Variants in SP7 observed in about 807,000 individuals in gnomAD.
SP7 encodes the protein transcription factor Sp7.
SP7 carries 13 observed loss-of-function variants against 27.9 expected under a neutral mutation model. That is an observed-to-expected ratio of 0.47 (90% confidence interval 0.30 to 0.74). The LOEUF (loss-of-function observed/expected upper bound fraction) is 0.74. SP7 is among the 30% of genes least tolerant of loss of function. The probability of loss-of-function intolerance (pLI) is 0.06; values close to 1 mark genes in which losing one functional copy is unlikely to be tolerated. For synonymous variants in SP7, 219 were observed against 226.7 expected (o/e 0.97, Z 0.31); for missense variants, 525 against 558.0 (o/e 0.94, Z 0.60).
At chr12:53,338,990 T>C (rs1944799316), upstream of SP7, among the ~76,000 whole-genome samples, 1 of 152,128 alleles carries the variant, frequency 6.6e-6, no homozygotes, top group African/African-American at 2.4e-5. Flanking sequence ...TTGGAAGCCC[T>C]AACCAAGGAC....
At chr12:53,336,751 T>A (rs1169222819), upstream of SP7, among the ~76,000 whole-genome samples, 1 of 151,588 alleles carries the variant, frequency 6.6e-6, no homozygotes, top group Admixed American at 6.6e-5. Flanking sequence ...CGTGCCCGTG[T>A]GTGTGTGTGT....
At chr12:53,338,247 G>T (rs78514643), upstream of SP7, among the ~76,000 whole-genome samples, 282 of 152,310 alleles carry the variant, frequency 1.9e-3, 8 homozygotes, top group East Asian at 0.041. Context: ...GGAAGTGCCC[G>T]TGGTGGGGTG....
At chr12:53,335,728 AGGGAGAGGGAGGGAGAATGGGAGAAT>A in intron 1 of SP7, 35 bp from the exon 2 acceptor site, 6 of 1,210,942 alleles carry the variant, frequency 5.0e-6, no homozygotes, top group Non-Finnish European at 6.5e-6. Flanking sequence ...GAGAGAGAAA[AGGGAGAGGGAGGGAGAATGGGAGAAT>A]GGGAGAGAAG....
At chr12:53,335,494 C>A (rs567530885) in intron 2 of SP7, 132 bp downstream of exon 2, 12 of 717,528 alleles carry the variant, frequency 1.7e-5, no homozygotes, top group Middle Eastern at 6.1e-4. Flanking sequence ...ACTCCTCTCT[C>A]CTCATCAGAA....
chr12:53,338,247 G>A (rs78514643), upstream of SP7, among the ~76,000 whole-genome samples: 12 of 152,192 alleles, frequency 7.9e-5, no homozygotes, highest in African/African-American at 2.2e-4. Flanking sequence ...GGAAGTGCCC[G>A]TGGTGGGGTG....
chr12:53,326,842 C>T lies in SP7; in HGVS notation c.*1304G>A, dbSNP rs923615970. 1 of 152,372 alleles carries T rather than the reference C, an allele frequency of 6.6e-6. No individual in the cohort carries two copies. The highest frequency in any genetic ancestry group is 6.5e-5 in the Admixed American group (1 of 15,278). The allele number at this position is 152,372 out of a possible 1,614,324, so 9.4% of individuals were successfully genotyped here. On this transcript the variant is annotated 3_prime_UTR_variant, in exon 3 of 3. Coordinates refer to ENST00000536324, the MANE Select transcript of SP7 (RefSeq NM_001173467.3). The stretch of plus-strand genomic sequence containing the variant: ...TGCACCACCAGATCAGCTTGGGGGC[C>T]TCTGTCCTCCTAGCTCTTTAAGTTC...
intron 2 of SP7, among the ~76,000 whole-genome samples, chr12:53,333,815 C>G (rs886386793): frequency 6.6e-6 from 1 of 152,024 alleles, no homozygotes; most frequent in Non-Finnish European, 1.5e-5. Flanking sequence ...TACTCAAAAA[C>G]TAGGTGCAAG....
intron 2 of SP7, among the ~76,000 whole-genome samples, chr12:53,331,340 C>G (rs1231288818): frequency 6.6e-6 from 1 of 151,884 alleles, no homozygotes; most frequent in South Asian, 2.1e-4. Flanking sequence ...GGTGTGGTGG[C>G]AGGCGCCTGT....
At chr12:53,330,808 A>G (rs1944695801) in intron 2 of SP7, among the ~76,000 whole-genome samples, 5 of 152,180 alleles carry the variant, frequency 3.3e-5, no homozygotes, top group Admixed American at 2.6e-4. Context: ...CTGAGGTCCA[A>G]TCCTCATGTC....
intron 2 of SP7, among the ~76,000 whole-genome samples, chr12:53,335,169 A>G (rs1393540288): frequency 6.6e-6 from 1 of 151,892 alleles, no homozygotes; most frequent in Non-Finnish European, 1.5e-5. Flanking sequence ...TACGAGTCCC[A>G]GGAGACGGGA....
At chr12:53,340,079 T>A (rs1211830550), upstream of SP7, among the ~76,000 whole-genome samples, 1 of 152,128 alleles carries the variant, frequency 6.6e-6, no homozygotes, top group Non-Finnish European at 1.5e-5. Context: ...GGCATCCATA[T>A]TGACACACAC....
At position 53,344,537 on chromosome 12, in the gene SP7, T is replaced by C. The variant is rs1270493397; in HGVS notation, c.-34+577A>G. 1.3e-5 allele frequency among the ~76,000 whole-genome samples: 2 copies of C among 152,114 alleles called. No individual in the cohort carries two copies. The highest frequency in any genetic ancestry group is 4.8e-5 in the African/African-American group (2 of 41,422). On this transcript the variant is annotated intron_variant, in intron 1 of 1. Coordinates refer to the SP7 transcript ENST00000547755. This position sits in a 1 kb window ranked among gnomAD's most constrained non-coding sequence, Gnocchi z 4.6. ...ACACCTCCTCCCCACATAGCCTCAA[T>C]GGGACGCCCCCCTCTGGATTTCAAA...
Position 53,327,836 on chromosome 12 carries a change from T to C in SP7, c.*310A>G, listed in dbSNP as rs573883884. 2.6e-6 allele frequency: 1 copy of C among 378,234 alleles called. No individual in the cohort carries two copies. 23.4% of individuals were successfully genotyped at this position (378,234 alleles called of 1,614,324 possible). On this transcript the variant is annotated 3_prime_UTR_variant, in exon 3 of 3. Transcript: ENST00000536324. ...AAGGAGTGAGATGGAGAAATAGTGT[T>C]GGGAGCCCAAATAGAAAGTGTGTTG...
chr12:53,327,996 C>G lies in SP7; in HGVS notation c.*150G>C. 1.3e-6 allele frequency: 1 copy of G among 769,144 alleles called. No homozygotes were observed. The allele number at this position is 769,144 out of a possible 1,614,324, so 47.6% of individuals were successfully genotyped here. A position where few individuals can be genotyped will look rare whatever the true frequency, so the allele number is the denominator to read the frequency against. On this transcript the variant is annotated 3_prime_UTR_variant, in exon 3 of 3. Coordinates refer to ENST00000536324, the MANE Select transcript of SP7 (RefSeq NM_001173467.3). The stretch of plus-strand genomic sequence containing the variant: ...AGCTGAGGAGGCATGCAAGGAGATA[C>G]CCAAGCCCAGAATGGCCAGGAGGGA...
chr12:53,339,028 A>G (rs1944799744), upstream of SP7, among the ~76,000 whole-genome samples: 1 of 152,070 alleles, frequency 6.6e-6, no homozygotes, highest in Non-Finnish European at 1.5e-5. Context: ...GGCCTCCCTC[A>G]GCCCAGCCTC....
chr12:53,342,964 A>T (rs186976701), intron 1 of SP7, among the ~76,000 whole-genome samples: 31 of 152,022 alleles, frequency 2.0e-4, no homozygotes, highest in Middle Eastern at 6.8e-3. Context: ...ATGACTAAGT[A>T]AAGAAACTGA....
Position 53,329,079 on chromosome 12 carries a change from ACAGT to A in SP7, c.359_362del (p.Asp120ValfsTer11), listed in dbSNP as rs745609349. The A allele has an allele frequency of 2.0e-5, 32 of 1,613,752 alleles. No homozygotes were observed. The highest frequency in any genetic ancestry group is 2.2e-5 in the Non-Finnish European group (26 of 1,179,884). ...CCAGAGAGGTGTAGACACTGGGCAG[ACAGT>A]CAGAAGAGCTGTGCCCCTTGGGCAC... is the stretch of plus-strand genomic sequence containing the variant. On this transcript the variant is annotated frameshift_variant, in exon 3 of 3. Coordinates refer to ENST00000536324, the MANE Select transcript of SP7 (RefSeq NM_001173467.3). LOFTEE classifies it high-confidence loss of function.
rs1944848707 is a variant in SP7, at chr12:53,344,692, A to G, written c.-34+422T>C. 6.6e-6 allele frequency among the ~76,000 whole-genome samples: 1 copy of G among 152,124 alleles called. No individual in the cohort carries two copies. The highest frequency in any genetic ancestry group is 1.5e-5 in the Non-Finnish European group (1 of 68,008). ...AGCTGTGGGGGAGATAGGCACCCTC[A>G]GAAGGACAGGACAGGTCGTGAGCTC... On this transcript the variant is annotated intron_variant, in intron 1 of 1. Coordinates refer to the SP7 transcript ENST00000547755. This position sits in a 1 kb window ranked among gnomAD's most constrained non-coding sequence, Gnocchi z 4.6.
At chr12:53,337,305 C>T (rs565512666), upstream of SP7, among the ~76,000 whole-genome samples, 1 of 152,256 alleles carries the variant, frequency 6.6e-6, no homozygotes, top group African/African-American at 2.4e-5. Flanking sequence ...GAAGTTAGAA[C>T]TTAATAAGGA....
Sources: gnomAD v4.1 joint callset for allele counts (sites outside exome capture counted in the v4.1 genomes callset) on GRCh38, gnomAD v4.1.1 for gene constraint, Gnocchi (gnomAD v3.1) non-coding constraint, MANE v1.5 for transcripts, NCBI Gene and HGNC (gene_info 2026-07-23, HGNC 2026-07-21) for gene names.